SFMBT2: variants seen among roughly 807,000 people sequenced by gnomAD.
SFMBT2 encodes Scm like with four mbt domains 2, also known as scm-like with four MBT domains protein 2.
In SFMBT2, 38 loss-of-function variants were observed where a neutral mutation model predicts 110.1. The observed-to-expected ratio is 0.35, with a 90% confidence interval of 0.27 to 0.45. The LOEUF (loss-of-function observed/expected upper bound fraction) is 0.45, where lower values mean the gene tolerates loss of function less well. Ranked by LOEUF, SFMBT2 falls within the 20% of genes least tolerant of loss-of-function variation. The pLI, the probability that SFMBT2 is intolerant of heterozygous loss-of-function variation, is 1.00. For missense variants in SFMBT2, 1,011 were observed against 1,094.9 expected (o/e 0.92, Z 1.08); for synonymous variants, 425 against 425.4 (o/e 1.00, Z 0.01).
intron 1 of SFMBT2, among the ~76,000 whole-genome samples, chr10:7,385,764 C>G (rs149357613): frequency 6.6e-6 from 1 of 152,074 alleles, no homozygotes; most frequent in Non-Finnish European, 1.5e-5. Flanking sequence ...CTTTGGGAGG[C>G]CGAGGCGGGC....
chr10:7,262,814 A>T (rs1176594505), intron 7 of SFMBT2, among the ~76,000 whole-genome samples: 1 of 151,942 alleles, frequency 6.6e-6, no homozygotes, highest in Non-Finnish European at 1.5e-5. Flanking sequence ...TTTCTCCAAT[A>T]CTCATAAAAA....
chr10:7,358,624 G>A (rs1844605280), intron 4 of SFMBT2, among the ~76,000 whole-genome samples: 1 of 151,938 alleles, frequency 6.6e-6, no homozygotes, highest in Non-Finnish European at 1.5e-5. Context: ...TGGAGGCACG[G>A]CTCTAGAACA....
chr10:7,386,157 G>A (rs1459438902), intron 1 of SFMBT2, among the ~76,000 whole-genome samples: 1 of 152,088 alleles, frequency 6.6e-6, no homozygotes, highest in Non-Finnish European at 1.5e-5. Flanking sequence ...TCATGCTCAG[G>A]GACGGCTTCC....
intron 4 of SFMBT2, among the ~76,000 whole-genome samples, chr10:7,312,761 T>C (rs368313819): frequency 6.6e-6 from 1 of 152,246 alleles, no homozygotes; most frequent in Non-Finnish European, 1.5e-5. Flanking sequence ...CCCCCCAGAA[T>C]AGAAAGTCAT....
Position 7,163,698 on chromosome 10 carries a change from C to T in SFMBT2, c.*72G>A. ...TACCATTTAACATATCCCGGAAAAT[C>T]AAAGTTTCAGTCCTGGAAACCTTTA... is the stretch of plus-strand genomic sequence containing the variant. On this transcript the variant is annotated 3_prime_UTR_variant, in exon 21 of 21. Transcript: ENST00000397167. The surrounding 1 kb of genome is among the most constrained non-coding windows in gnomAD (Gnocchi z 4.8). The T allele has an allele frequency of 2.1e-6, 3 of 1,396,446 alleles. No homozygotes were observed. The highest frequency in any genetic ancestry group is 3.0e-6 in the Non-Finnish European group (3 of 1,002,826). The allele number at this position is 1,396,446 out of a possible 1,614,324, so 86.5% of individuals were successfully genotyped here.
chr10:7,203,926 G>A (rs1272802531), intron 12 of SFMBT2: 5 of 156,894 alleles, frequency 3.2e-5, no homozygotes, highest in Admixed American at 6.6e-5. Context: ...CATGCTGGCC[G>A]GGCTGGTCTC....
chr10:7,331,664 CCACTCAAGT>C (rs956721370), intron 4 of SFMBT2, among the ~76,000 whole-genome samples: 6 of 152,118 alleles, frequency 3.9e-5, no homozygotes, highest in Non-Finnish European at 7.4e-5. Flanking sequence ...CTAGTCACAT[CCACTCAAGT>C]CACAGATGAA....
upstream of SFMBT2, among the ~76,000 whole-genome samples, chr10:7,411,065 CTTTTT>C (rs766788794): frequency 1.5e-4 from 8 of 53,914 alleles, no homozygotes; most frequent in African/African-American, 5.4e-4. Flanking sequence ...GCTCGGCGCT[CTTTTT>C]TTTTTTTTTT....
intron 4 of SFMBT2, among the ~76,000 whole-genome samples, chr10:7,335,228 G>T (rs576190033): frequency 1.3e-5 from 2 of 152,154 alleles, no homozygotes; most frequent in Non-Finnish European, 2.9e-5. Context: ...ATGGCTGCAC[G>T]ACAACGTGAA....
At chr10:7,215,490 T>G in intron 11 of SFMBT2, 1 of 898,836 alleles carries the variant, frequency 1.1e-6, no homozygotes, top group Non-Finnish European at 1.3e-6. Flanking sequence ...TAATTAATGT[T>G]GCAATCATCT....
chr10:7,278,580 C>A (rs75921966), intron 6 of SFMBT2, among the ~76,000 whole-genome samples: 2,242 of 152,222 alleles, frequency 0.015, 34 homozygotes, highest in South Asian at 0.047. Context: ...GCTGGGCAGG[C>A]AGATGGAGAG....
At chr10:7,186,457 C>CAT (rs1392070560) in intron 16 of SFMBT2, among the ~76,000 whole-genome samples, 1 of 110,378 alleles carries the variant, frequency 9.1e-6, no homozygotes, top group Non-Finnish European at 1.9e-5. Flanking sequence ...CACACACACA[C>CAT]ACATATATAT....
chr10:7,325,121 C>T (rs1843340063), intron 4 of SFMBT2, among the ~76,000 whole-genome samples: 2 of 152,064 alleles, frequency 1.3e-5, no homozygotes, highest in Non-Finnish European at 1.5e-5. Context: ...GTGCCCGCCA[C>T]CACGTCCGGC....
intron 6 of SFMBT2, among the ~76,000 whole-genome samples, chr10:7,282,025 T>C (rs1249020544): frequency 2.0e-5 from 3 of 152,084 alleles, no homozygotes; most frequent in Admixed American, 6.5e-5. Flanking sequence ...TTTCTATTTT[T>C]TTCAGAGACA....
intron 11 of SFMBT2, among the ~76,000 whole-genome samples, chr10:7,210,662 T>G (rs2762594): frequency 0.61 from 92,504 of 152,120 alleles, 28,423 homozygotes; most frequent in East Asian, 0.87. Context: ...ACCAGCAGAA[T>G]GCAAAGCCGG....
At position 7,408,270 on chromosome 10, in the gene SFMBT2, G is replaced by T. The variant is rs1323921611; in HGVS notation, c.-52+2591C>A. Among the ~76,000 whole-genome samples, 1 of 152,226 alleles carries T rather than the reference G, an allele frequency of 6.6e-6. No homozygotes were observed. The highest frequency in any genetic ancestry group is 1.5e-5 in the Non-Finnish European group (1 of 68,040). Reference sequence around the variant, plus strand: ...AACGCAGGCTGGAGGAGCCACGGACGCGTCCTGGCCGGCGTGTCGCCATCG... The same window carrying T: ...AACGCAGGCTGGAGGAGCCACGGACTCGTCCTGGCCGGCGTGTCGCCATCG... On this transcript the variant is annotated intron_variant, in intron 1 of 20. Coordinates refer to ENST00000397167, the MANE Select transcript of SFMBT2 (RefSeq NM_001387889.1). This position sits in a 1 kb window ranked among gnomAD's most constrained non-coding sequence, Gnocchi z 5.7.
chr10:7,215,457 T>G (rs1273243141), intron 11 of SFMBT2: 1 of 718,508 alleles, frequency 1.4e-6, no homozygotes, highest in Non-Finnish European at 1.7e-6. Context: ...GTCTTGAACC[T>G]GTTTTAGGGG....
intron 4 of SFMBT2, among the ~76,000 whole-genome samples, chr10:7,290,629 A>C (rs1321093532): frequency 6.6e-6 from 1 of 152,194 alleles, no homozygotes; most frequent in Non-Finnish European, 1.5e-5. Flanking sequence ...TGAGGCCAGA[A>C]GTTCAAGACC....
chr10:7,298,729 A>G (rs1015832625), intron 4 of SFMBT2, among the ~76,000 whole-genome samples: 6 of 151,708 alleles, frequency 4.0e-5, no homozygotes, highest in Admixed American at 2.0e-4. Context: ...GTATGTGTGT[A>G]TGTATGTATG....
Sources: gnomAD v4.1 joint callset for allele counts (sites outside exome capture counted in the v4.1 genomes callset) on GRCh38, gnomAD v4.1.1 for gene constraint, Gnocchi (gnomAD v3.1) non-coding constraint, MANE v1.5 for transcripts, NCBI Gene and HGNC (gene_info 2026-07-23, HGNC 2026-07-21) for gene names.